The following ADAMTSL1 variants were observed in gnomAD, a reference collection of about 807,000 sequenced individuals.
ADAMTSL1 encodes ADAMTS-like protein 1.
A neutral mutation model predicts 201.8 loss-of-function variants in ADAMTSL1; 126 were observed. The ratio of observed to expected loss-of-function variants is 0.62; its 90% confidence interval spans 0.54 to 0.72. The LOEUF is 0.72. ADAMTSL1 is among the 30% of genes least tolerant of loss of function. ADAMTSL1 has a pLI of 0.00. For synonymous variants in ADAMTSL1, 1,121 were observed against 903.4 expected, an observed-to-expected ratio of 1.24 and a Z score of -4.32; for missense variants, 2,679 against 2,277.8, an observed-to-expected ratio of 1.18 and a Z score of -3.59.
At chr9:18,810,462 A>T (rs1310315436) in intron 20 of ADAMTSL1, among the ~76,000 whole-genome samples, 1 of 152,218 alleles carries the variant, frequency 6.6e-6, no homozygotes, top group African/African-American at 2.4e-5. Flanking sequence ...AGAAAACAAA[A>T]AATATAAAAA....
chr9:18,282,055 A>T (rs2132633468), intron 2 of ADAMTSL1, among the ~76,000 whole-genome samples: 1 of 152,230 alleles, frequency 6.6e-6, no homozygotes, highest in East Asian at 1.9e-4. Flanking sequence ...TAGTGTACCC[A>T]TTACACAAAT....
intron 15 of ADAMTSL1, among the ~76,000 whole-genome samples, chr9:18,730,392 A>T (rs1348780576): frequency 6.6e-6 from 1 of 152,250 alleles, no homozygotes; most frequent in Non-Finnish European, 1.5e-5. Context: ...AATCTGGCCG[A>T]TACAGTTCAG....
At chr9:18,474,549 A>C (rs1821356886) in intron 1 of ADAMTSL1, among the ~76,000 whole-genome samples, 1 of 152,112 alleles carries the variant, frequency 6.6e-6, no homozygotes, top group African/African-American at 2.4e-5. Flanking sequence ...TGAGACATGA[A>C]CTTTGGGACA....
chr9:18,187,789 C>T (rs67294529), intron 2 of ADAMTSL1, among the ~76,000 whole-genome samples: 24,660 of 152,088 alleles, frequency 0.16, 2,247 homozygotes, highest in East Asian at 0.24. Context: ...GAAAGTTATT[C>T]TTACAGTTCA....
At position 18,826,225 on chromosome 9, in the gene ADAMTSL1, C is replaced by T. The variant is rs757331130; in HGVS notation, c.3935-59C>T. The T allele has an allele frequency of 3.9e-6, 6 of 1,548,754 alleles. No homozygotes were observed. The South Asian group carries it at 4.8e-5, about 12-fold the overall frequency. ...TCAAGAAGCTATAAATGCCTCTGGG[C>T]TCACCTGAATGTGTTTGACTGATGA... On this transcript the variant is annotated intron_variant, in intron 21 of 28. Coordinates refer to ENST00000380548, the MANE Select transcript of ADAMTSL1 (RefSeq NM_001040272.6).
At chr9:18,220,693 T>C (rs961996222) in intron 2 of ADAMTSL1, among the ~76,000 whole-genome samples, 3 of 152,180 alleles carry the variant, frequency 2.0e-5, no homozygotes, top group African/African-American at 2.4e-5. Context: ...TCTTCTGCCA[T>C]TGTGACCCAA....
chr9:18,354,757 C>A (rs1358526203), intron 2 of ADAMTSL1, among the ~76,000 whole-genome samples: 2 of 152,102 alleles, frequency 1.3e-5, no homozygotes, highest in Non-Finnish European at 2.9e-5. Context: ...CAACTGAGGT[C>A]AGGAGTTTGA....
At chr9:18,576,358 A>T (rs1354037016) in intron 4 of ADAMTSL1, among the ~76,000 whole-genome samples, 1 of 152,200 alleles carries the variant, frequency 6.6e-6, no homozygotes, top group Non-Finnish European at 1.5e-5. Context: ...TGGGAGAGAA[A>T]CATGGAGGCT....
intron 3 of ADAMTSL1, among the ~76,000 whole-genome samples, chr9:18,552,806 TA>T (rs1451550871): frequency 2.6e-5 from 4 of 151,554 alleles, no homozygotes; most frequent in Non-Finnish European, 5.9e-5. Context: ...CTTTTTGCCT[TA>T]ATGTATAGTT....
At chr9:18,529,902 G>T (rs938023222) in intron 2 of ADAMTSL1, among the ~76,000 whole-genome samples, 2 of 152,066 alleles carry the variant, frequency 1.3e-5, no homozygotes, top group Non-Finnish European at 2.9e-5. Context: ...TGACAAGTGG[G>T]TTTTCTTTGC....
chr9:18,446,122 C>T (rs776749579), intron 2 of ADAMTSL1, among the ~76,000 whole-genome samples: 4 of 152,012 alleles, frequency 2.6e-5, no homozygotes, highest in Admixed American at 1.3e-4. Context: ...CTCAATTGTG[C>T]GATTACCTCT....
At chr9:17,930,053 T>C (rs1034204502) in intron 1 of ADAMTSL1, among the ~76,000 whole-genome samples, 1 of 152,210 alleles carries the variant, frequency 6.6e-6, no homozygotes, top group Non-Finnish European at 1.5e-5. Flanking sequence ...GTATACATTA[T>C]TAATTACAGC....
At chr9:17,951,734 C>G (rs1169162007) in intron 1 of ADAMTSL1, among the ~76,000 whole-genome samples, 1 of 151,620 alleles carries the variant, frequency 6.6e-6, no homozygotes, top group Non-Finnish European at 1.5e-5. Context: ...AATATTTTCT[C>G]CTAGTCTGTG....
intron 1 of ADAMTSL1, among the ~76,000 whole-genome samples, chr9:17,923,646 A>G (rs1386334146): frequency 1.0e-5 from 1 of 99,808 alleles, no homozygotes; most frequent in African/African-American, 3.8e-5. Flanking sequence ...CCCTGGCCAG[A>G]ACTTCCAACA....
chr9:18,249,559 C>G (rs969760229), intron 2 of ADAMTSL1, among the ~76,000 whole-genome samples: 3 of 151,962 alleles, frequency 2.0e-5, no homozygotes, highest in Non-Finnish European at 4.4e-5. Flanking sequence ...TTTAGTAGAT[C>G]AAGACATCCA....
intron 5 of ADAMTSL1, among the ~76,000 whole-genome samples, chr9:18,624,165 A>G (rs1826211668): frequency 6.6e-6 from 1 of 152,216 alleles, no homozygotes; most frequent in Non-Finnish European, 1.5e-5. Flanking sequence ...GAAACAGTGG[A>G]AAATGTAATT....
At chr9:18,072,504 A>G (rs1823014113) in intron 1 of ADAMTSL1, among the ~76,000 whole-genome samples, 1 of 152,200 alleles carries the variant, frequency 6.6e-6, no homozygotes, top group Non-Finnish European at 1.5e-5. Context: ...CTAGTATACT[A>G]TGTGAACTGT....
intron 2 of ADAMTSL1, among the ~76,000 whole-genome samples, chr9:18,249,721 T>G (rs1831391978): frequency 6.6e-6 from 1 of 152,202 alleles, no homozygotes; most frequent in Admixed American, 6.5e-5. Flanking sequence ...TACGGATACA[T>G]AGGTCTCAAG....
intron 2 of ADAMTSL1, among the ~76,000 whole-genome samples, chr9:18,436,597 C>T (rs937291658): frequency 3.9e-5 from 6 of 152,194 alleles, no homozygotes; most frequent in African/African-American, 1.2e-4. Flanking sequence ...CAGTCCACTG[C>T]TCCTTTAAAC....
Sources: allele counts gnomAD v4.1 joint callset (sites outside exome capture counted in the v4.1 genomes callset), GRCh38; gene constraint gnomAD v4.1.1; transcripts MANE v1.5; gene names NCBI Gene and HGNC (gene_info 2026-07-23, HGNC 2026-07-21).